Variants in RNF20 observed in about 807,000 individuals in gnomAD.
The protein encoded by RNF20 is E3 ubiquitin-protein ligase BRE1A.
RNF20 carries 84 observed loss-of-function variants against 126.2 expected under a neutral mutation model. The observed-to-expected ratio is 0.67, with a 90% CI of 0.56 to 0.80. RNF20 has a LOEUF of 0.80. RNF20 is among the 30% of genes least tolerant of loss of function. The pLI is 0.00. For synonymous variants in RNF20, 400 were observed against 414.3 expected (o/e 0.97, Z 0.42); for missense variants, 869 against 1,188.2 (o/e 0.73, Z 3.95).
intron 15 of RNF20, among the ~76,000 whole-genome samples, chr9:101,556,777 T>C (rs10120085): frequency 0.43 from 65,106 of 151,928 alleles, 14,088 homozygotes; most frequent in East Asian, 0.6. Flanking sequence ...ATTTTTAACT[T>C]TTATTACAAA....
intron 7 of RNF20, 46 bp downstream of exon 7, chr9:101,547,012 T>G: frequency 6.2e-7 from 1 of 1,610,702 alleles, no homozygotes; most frequent in Non-Finnish European, 8.5e-7. Flanking sequence ...TTTTAAGGAG[T>G]GTTCTCAGGA....
At chr9:101,555,113 T>A (rs1827512853) in intron 15 of RNF20, among the ~76,000 whole-genome samples, 1 of 152,132 alleles carries the variant, frequency 6.6e-6, no homozygotes, top group Non-Finnish European at 1.5e-5. Context: ...CAGACAGTTA[T>A]TGAAGATCTA....
chr9:101,562,544 TC>T lies in RNF20; in HGVS notation c.*124del. 1.1e-6 allele frequency: 1 copy of T among 898,846 alleles called. No individual in the cohort carries two copies. The highest frequency in any genetic ancestry group is 1.6e-6 in the Non-Finnish European group (1 of 615,902). 55.7% of individuals were successfully genotyped at this position (898,846 alleles called of 1,614,324 possible). ...CAGTTTATCAGTCAACTACCTTTCC[TC>T]CAGACTTTACTTCCAGGCTCTCCTC... On this transcript the variant is annotated 3_prime_UTR_variant, in exon 20 of 20. Transcript: ENST00000389120.
Position 101,556,832 on chromosome 9 carries a change from A to T in RNF20, c.2170-552A>T, listed in dbSNP as rs75239076. Among the ~76,000 whole-genome samples, 1,110 of 152,324 alleles carry T rather than the reference A, an allele frequency of 7.3e-3. 10 individuals carry two copies. The highest frequency in any genetic ancestry group is 0.026 in the African/African-American group (1,071 of 41,580). On this transcript the variant is annotated intron_variant, in intron 15 of 19. Coordinates refer to ENST00000389120, the MANE Select transcript of RNF20 (RefSeq NM_019592.7). ...AAAAAACTCTCCAAAATAGGGAAAA[A>T]AACTCAAGAATCCAGTGGAAGAATA... is the stretch of plus-strand genomic sequence containing the variant.
In RNF20 at chr9:101,543,473, T is replaced by C. The variant is rs572398976; in HGVS notation, c.629-1294T>C. Among the ~76,000 whole-genome samples, 26 of 149,446 alleles carry C rather than the reference T, an allele frequency of 1.7e-4. No homozygotes were observed. The East Asian group carries it at 5.1e-3, about 29-fold the overall frequency. On this transcript the variant is annotated intron_variant, in intron 5 of 19. Coordinates refer to ENST00000389120, the MANE Select transcript of RNF20 (RefSeq NM_019592.7). Reference sequence around the variant, plus strand: ...ACTGTCTAACCTGCCAAGGCAGCACTGTCTAACCCTGCCAGGGTGGCACTG... The same window carrying C: ...ACTGTCTAACCTGCCAAGGCAGCACCGTCTAACCCTGCCAGGGTGGCACTG...
Position 101,561,895 on chromosome 9 carries a change from G to T in RNF20, c.2650-15G>T. 1 of 1,564,098 alleles carries T rather than the reference G, an allele frequency of 6.4e-7. No homozygotes were observed. The highest frequency in any genetic ancestry group is 8.8e-7 in the Non-Finnish European group (1 of 1,134,584). On this transcript the variant is annotated splice_polypyrimidine_tract_variant and intron_variant, in intron 18 of 19. Coordinates refer to ENST00000389120, the MANE Select transcript of RNF20 (RefSeq NM_019592.7). ...TTGGGTAAGTGTGTCTAATGGGTATGCTATCCTGCCACAGGAGGACATCTC... is the reference window on the plus strand; with the variant it reads ...TTGGGTAAGTGTGTCTAATGGGTATTCTATCCTGCCACAGGAGGACATCTC...
At position 101,550,502 on chromosome 9, in the gene RNF20, G is replaced by C. The variant is rs1457591891; in HGVS notation, c.1093-104G>C. On this transcript the variant is annotated intron_variant, in intron 9 of 19. Transcript: ENST00000389120. ...ATAACTTAATAATCTTTATAAAATT[G>C]TCTCTCTTGTGTAGGACATCAGTGA... 5.8e-6 allele frequency: 5 copies of C among 866,766 alleles called. No individual in the cohort carries two copies. The Admixed American group carries it at 1.2e-4, about 20-fold the overall frequency. 53.7% of individuals were successfully genotyped at this position (866,766 alleles called of 1,614,324 possible). A position where few individuals can be genotyped will look rare whatever the true frequency, so the allele number is the denominator to read the frequency against.
rs1827364738 is a variant in RNF20, at chr9:101,547,186, G to A, written c.944G>A (p.Gly315Asp). The change falls in exon 8 of 20, where the codon GGC becomes GAC. Residue 315 changes from glycine (G) to aspartate (D), a missense_variant. By Grantham distance (94) the Gly-to-Asp change is moderately conservative. Around this residue, in one of 8 missense-constraint regions of RNF20, gnomAD observed 153 missense variants for 226.4 expected, o/e 0.68. Transcript: ENST00000389120. ...TATGGAGCGGGGAGCAGTCTGTATG[G>A]CGGCACAATCACTATCAATGCTCGG... ...KVYGAGSSLY[G>D]GTITINARKF... The A allele has an allele frequency of 1.2e-6, 2 of 1,614,134 alleles. No individual in the cohort carries two copies. Among genetic ancestry groups the A allele is most frequent in the East Asian group, 4.5e-5 (2 of 44,876 alleles).
chr9:101,539,178 C>G (rs1213833498), intron 2 of RNF20, among the ~76,000 whole-genome samples: 1 of 152,064 alleles, frequency 6.6e-6, no homozygotes, highest in Non-Finnish European at 1.5e-5. Context: ...TTGATGTTGC[C>G]TTGCTGGAGA....
At chr9:101,560,769 A>T in intron 16 of RNF20, 32 bp from the exon 17 acceptor site, 2 of 1,578,454 alleles carry the variant, frequency 1.3e-6, no homozygotes, top group South Asian at 1.2e-5. Flanking sequence ...TAATCTTTTC[A>T]TTTGTGTTAA....
chr9:101,547,588 G>A (rs1002898270), intron 9 of RNF20, 70 bp downstream of exon 9: 1 of 1,542,866 alleles, frequency 6.5e-7, no homozygotes, highest in South Asian at 1.2e-5. Context: ...ATACATAGTT[G>A]TGAATCTGCG....
chr9:101,540,397 T>C, intron 3 of RNF20, 27 bp downstream of exon 3: 2 of 1,613,472 alleles, frequency 1.2e-6, no homozygotes, highest in Non-Finnish European at 1.7e-6. Context: ...TTTGTTCAGA[T>C]TTTTATTTGA....
intron 1 of RNF20, among the ~76,000 whole-genome samples, chr9:101,534,919 T>C (rs1827158219): frequency 6.6e-6 from 1 of 151,616 alleles, no homozygotes; most frequent in Non-Finnish European, 1.5e-5. Context: ...CTTTTTTTTT[T>C]TTTTTTGAGA....
At chr9:101,553,937 C>T in intron 13 of RNF20, 51 bp from the exon 14 acceptor site, 2 of 1,019,256 alleles carry the variant, frequency 2.0e-6, no homozygotes, top group Non-Finnish European at 3.0e-6. Flanking sequence ...GCTCTGATGA[C>T]CTTTATTTTC....
chr9:101,551,896 TGTTAATGCTGACTTCAACTCA>T, intron 11 of RNF20, 77 bp downstream of exon 11: 2 of 1,477,350 alleles, frequency 1.4e-6, no homozygotes, highest in Non-Finnish European at 1.8e-6. Context: ...CCCCAGGGTT[TGTTAATGCTGACTTCAACTCA>T]GAAGTCATAA....
At chr9:101,547,329 G>A in intron 8 of RNF20, 70 bp from the exon 9 acceptor site, 2 of 1,607,254 alleles carry the variant, frequency 1.2e-6, no homozygotes, top group Non-Finnish European at 1.7e-6. Context: ...GCGAATCAGT[G>A]AAGAAAGGAA....
At chr9:101,536,747 A>G (rs1274092913) in intron 2 of RNF20, among the ~76,000 whole-genome samples, 1 of 152,172 alleles carries the variant, frequency 6.6e-6, no homozygotes, top group Non-Finnish European at 1.5e-5. Flanking sequence ...ATAAGCACAT[A>G]CTTATGGGAA....
At position 101,552,639 on chromosome 9, in the gene RNF20, A is replaced by G. The variant is rs781526148; in HGVS notation, c.1787A>G (p.Lys596Arg). 2 of 1,519,552 alleles carry G rather than the reference A, an allele frequency of 1.3e-6. No individual in the cohort carries two copies. Among genetic ancestry groups the G allele is most frequent in the South Asian group, 1.1e-5 (1 of 89,142 alleles). 94.1% of individuals were successfully genotyped at this position (1,519,552 alleles called of 1,614,324 possible). Residue 596 changes from lysine to arginine, a missense_variant, in exon 13 of 20, where the codon AAG becomes AGG. By Grantham distance (26) the Lys-to-Arg change is conservative. This residue lies in a region of RNF20 where 231 missense variants were observed against 263.6 expected (regional missense o/e 0.88). Coordinates refer to ENST00000389120, the MANE Select transcript of RNF20 (RefSeq NM_019592.7). ...AAGGAGAGAGAACGAGAGAAGCAGA[A>G]GCTAAAAGAGTCAGAAAAAGAGAGA... ...KEKEREREKQ[K>R]LKESEKERDS...
intron 6 of RNF20, 39 bp downstream of exon 6, chr9:101,544,924 G>A: frequency 4.0e-6 from 5 of 1,262,230 alleles, no homozygotes; most frequent in Non-Finnish European, 4.6e-6. Context: ...TGTCTAGTGG[G>A]CTGTGGCAGA....
Sources: gnomAD v4.1 joint callset for allele counts (sites outside exome capture counted in the v4.1 genomes callset) on GRCh38, gnomAD v4.1.1 for gene constraint, gnomAD v4.1.1 regional missense constraint, MANE v1.5 for transcripts, NCBI Gene and HGNC (gene_info 2026-07-23, HGNC 2026-07-21) for gene names.